Variants in CADPS2 observed in about 807,000 individuals in gnomAD.
The protein encoded by CADPS2 is calcium dependent secretion activator 2, also known as calcium-dependent secretion activator 2.
Under a neutral mutation model 172.5 loss-of-function variants are expected in CADPS2, and 93 were observed. The observed-to-expected ratio is 0.54, with a 90% confidence interval of 0.46 to 0.64. CADPS2 has a LOEUF of 0.64. CADPS2 is among the 30% of genes least tolerant of loss of function. The pLI is 0.00. For missense variants in CADPS2, 1,420 were observed against 1,565.9 expected, an observed-to-expected ratio of 0.91 and a Z score of 1.57; for synonymous variants, 546 against 555.2, an observed-to-expected ratio of 0.98 and a Z score of 0.23.
rs150575524 is a variant in CADPS2, at chr7:122,644,599, G to A, written c.787-15271C>T. 3.8e-3 allele frequency among the ~76,000 whole-genome samples: 572 copies of A among 152,186 alleles called. 4 individuals are homozygous for A. The highest frequency in any genetic ancestry group is 0.013 in the African/African-American group (541 of 41,530). On this transcript the variant is annotated intron_variant, in intron 3 of 29. Coordinates refer to ENST00000449022, the MANE Select transcript of CADPS2 (RefSeq NM_017954.11). ...GAGTAATTCCACCTGTATTTGAAAGGTTCTTGGACTCCAATATCCCCTCTG... is the reference window on the plus strand; with the variant it reads ...GAGTAATTCCACCTGTATTTGAAAGATTCTTGGACTCCAATATCCCCTCTG...
chr7:122,468,247 TCTTGA>T, intron 14 of CADPS2, among the ~76,000 whole-genome samples: 1 of 152,256 alleles, frequency 6.6e-6, no homozygotes, highest in East Asian at 1.9e-4. Context: ...TGAATATGTG[TCTTGA>T]CAGATGTAAA....
At chr7:122,763,367 C>A (rs11769021) in intron 1 of CADPS2, among the ~76,000 whole-genome samples, 1 of 151,950 alleles carries the variant, frequency 6.6e-6, no homozygotes, top group Non-Finnish European at 1.5e-5. Flanking sequence ...TCCTACTCCA[C>A]GACAATAAGA....
intron 2 of CADPS2, among the ~76,000 whole-genome samples, chr7:122,665,517 A>G (rs560726350): frequency 6.6e-6 from 1 of 152,340 alleles, no homozygotes; most frequent in South Asian, 2.1e-4. Flanking sequence ...TCAAAAATGC[A>G]TTTAATACAC....
At position 122,546,476 on chromosome 7, in the gene CADPS2, G is replaced by A. The variant is rs979275050; in HGVS notation, c.1475+8074C>T. 4.6e-5 allele frequency among the ~76,000 whole-genome samples: 7 copies of A among 152,102 alleles called. No individual in the cohort carries two copies. In the South Asian group the frequency reaches 1.0e-3, roughly 23 times the overall value. ...GAAGAGATTCCTTTTCATCATTCCT[G>A]TATTTTTAGGCCATGTCCTATCCTT... On this transcript the variant is annotated intron_variant, in intron 8 of 29. Transcript: ENST00000449022.
At chr7:122,461,070 A>G (rs17144472) in intron 14 of CADPS2, among the ~76,000 whole-genome samples, 8,323 of 152,318 alleles carry the variant, frequency 0.055, 342 homozygotes, top group South Asian at 0.18. Context: ...TAGTTACAAG[A>G]TTTTGTATAG....
At chr7:122,573,186 C>T (rs1458480387) in intron 7 of CADPS2, among the ~76,000 whole-genome samples, 2 of 152,034 alleles carry the variant, frequency 1.3e-5, no homozygotes, top group African/African-American at 4.8e-5. Context: ...TAAAATACTC[C>T]CTCCTTGGCA....
chr7:122,432,646 A>AAAAT (rs2050099639), intron 17 of CADPS2, among the ~76,000 whole-genome samples: 1 of 144,666 alleles, frequency 6.9e-6, no homozygotes, highest in Non-Finnish European at 1.5e-5. Context: ...GTTAAAATAA[A>AAAAT]AAAAAAAAAA....
chr7:122,354,751 C>A (rs2039149736), intron 27 of CADPS2, among the ~76,000 whole-genome samples: 1 of 152,122 alleles, frequency 6.6e-6, no homozygotes, highest in Non-Finnish European at 1.5e-5. Context: ...TAGTCCAGGT[C>A]TTGCTTTTTC....
chr7:122,457,352 T>C (rs2053909866), intron 14 of CADPS2, among the ~76,000 whole-genome samples: 1 of 152,178 alleles, frequency 6.6e-6, no homozygotes, highest in African/African-American at 2.4e-5. Flanking sequence ...TCCAGTATAA[T>C]AAAAAATTTC....
rs970873467 is a variant in CADPS2, at chr7:122,489,072, T to C, written c.1852+1009A>G. ...AAGAAATTTTAAATCAATGAAAAAA[T>C]TTATAATATTCCTAAATAGTTTTCA... On this transcript the variant is annotated intron_variant, in intron 11 of 29. Coordinates refer to ENST00000449022, the MANE Select transcript of CADPS2 (RefSeq NM_017954.11). Among the ~76,000 whole-genome samples, 30 of 152,224 alleles carry C rather than the reference T, an allele frequency of 2.0e-4. 1 individual carries two copies. The highest frequency in any genetic ancestry group is 1.8e-3 in the Admixed American group (28 of 15,274).
chr7:122,346,276 G>A (rs2037644764), intron 27 of CADPS2, among the ~76,000 whole-genome samples: 1 of 152,162 alleles, frequency 6.6e-6, no homozygotes, highest in Non-Finnish European at 1.5e-5. Flanking sequence ...GGTGAGGCAG[G>A]AGAATTGCTT....
At chr7:122,480,020 T>C (rs1376785976) in intron 12 of CADPS2, 2 of 456,530 alleles carry the variant, frequency 4.4e-6, no homozygotes, top group African/African-American at 4.0e-5. Flanking sequence ...AACCAGGGTG[T>C]GTGCACTGCA....
chr7:122,330,454 G>A (rs904275944), intron 28 of CADPS2, among the ~76,000 whole-genome samples: 3 of 152,026 alleles, frequency 2.0e-5, no homozygotes, highest in African/African-American at 7.2e-5. Flanking sequence ...ACACTAAAAC[G>A]CAAATGTTAT....
At chr7:122,498,631 C>T (rs972716598) in intron 9 of CADPS2, among the ~76,000 whole-genome samples, 9 of 152,042 alleles carry the variant, frequency 5.9e-5, no homozygotes, top group Non-Finnish European at 1.0e-4. Flanking sequence ...TGTGTCTAAC[C>T]TATTGCTTAC....
At chr7:122,342,686 C>G (rs1323671516) in intron 28 of CADPS2, among the ~76,000 whole-genome samples, 1 of 152,062 alleles carries the variant, frequency 6.6e-6, no homozygotes, top group Non-Finnish European at 1.5e-5. Flanking sequence ...AACTGTAGCC[C>G]TTGTTTTCTA....
At chr7:122,779,623 AG>A (rs920126202) in intron 1 of CADPS2, among the ~76,000 whole-genome samples, 24 of 152,198 alleles carry the variant, frequency 1.6e-4, no homozygotes, top group Non-Finnish European at 2.6e-4. Flanking sequence ...TATAGAACTG[AG>A]TATAGACTTC....
chr7:122,791,893 T>G (rs1341106335), intron 1 of CADPS2, among the ~76,000 whole-genome samples: 2 of 152,194 alleles, frequency 1.3e-5, no homozygotes, highest in African/African-American at 4.8e-5. Flanking sequence ...TCCAATTATT[T>G]TGAAAAATCA....
chr7:122,536,692 A>AG (rs1452020401), intron 8 of CADPS2, among the ~76,000 whole-genome samples: 2 of 152,192 alleles, frequency 1.3e-5, no homozygotes, highest in African/African-American at 4.8e-5. Context: ...TGGGATGTCA[A>AG]GGGGAAAAGA....
chr7:122,757,008 G>T (rs1351535907), intron 1 of CADPS2, among the ~76,000 whole-genome samples: 1 of 151,988 alleles, frequency 6.6e-6, no homozygotes, highest in East Asian at 1.9e-4. Flanking sequence ...ACAACTCCAC[G>T]GACACCTTTG....
Sources: allele counts gnomAD v4.1 joint callset (sites outside exome capture counted in the v4.1 genomes callset), GRCh38; gene constraint gnomAD v4.1.1; transcripts MANE v1.5; gene names NCBI Gene and HGNC (gene_info 2026-07-23, HGNC 2026-07-21).